ANK3: variants seen among roughly 807,000 people sequenced by gnomAD.
ANK3 encodes ankyrin 3.
A neutral mutation model predicts 370.9 loss-of-function variants in ANK3; 57 were observed. That is an observed-to-expected ratio of 0.15 (90% CI 0.12 to 0.19). The LOEUF is 0.19. ANK3 is among the 10% of genes least tolerant of loss of function. The pLI is 1.00. For synonymous variants in ANK3, 1,929 were observed against 1,946.3 expected (o/e 0.99, Z 0.23); for missense variants, 4,439 against 5,302.1 (o/e 0.84, Z 5.06).
At chr10:60,162,012 C>CA (rs2095513095) in intron 23 of ANK3, among the ~76,000 whole-genome samples, 1 of 152,144 alleles carries the variant, frequency 6.6e-6, no homozygotes, top group Admixed American at 6.6e-5. Context: ...CAAAATATCA[C>CA]ATATACCCCA....
intron 16 of ANK3, among the ~76,000 whole-genome samples, chr10:60,189,850 T>A (rs1015721813): frequency 1.3e-5 from 2 of 152,246 alleles, no homozygotes; most frequent in African/African-American, 4.8e-5. Flanking sequence ...TCAAAAGTAA[T>A]ATATAGCATT....
chr10:60,284,413 A>G (rs2098213686), intron 1 of ANK3, among the ~76,000 whole-genome samples: 1 of 152,174 alleles, frequency 6.6e-6, no homozygotes, highest in Admixed American at 6.5e-5. Context: ...ATAGATAAGA[A>G]AATTGAGCTG....
chr10:60,563,657 T>C (rs116553000), intron 2 of ANK3, among the ~76,000 whole-genome samples: 344 of 152,274 alleles, frequency 2.3e-3, no homozygotes, highest in African/African-American at 7.4e-3. Flanking sequence ...GGTCAGATTT[T>C]GCCGCCAAAG....
intron 1 of ANK3, among the ~76,000 whole-genome samples, chr10:60,627,043 G>A (rs1219882272): frequency 1.3e-5 from 2 of 152,110 alleles, no homozygotes; most frequent in African/African-American, 4.8e-5. Flanking sequence ...TATTTAGGGA[G>A]AGAAGCAACG....
At chr10:60,385,180 T>C (rs1170168959) in intron 1 of ANK3, among the ~76,000 whole-genome samples, 1 of 152,098 alleles carries the variant, frequency 6.6e-6, no homozygotes, top group Non-Finnish European at 1.5e-5. Context: ...CCTGCTTACT[T>C]TTCGTGCCAC....
intron 2 of ANK3, among the ~76,000 whole-genome samples, chr10:60,517,427 A>G (rs1430212951): frequency 6.6e-6 from 1 of 152,062 alleles, no homozygotes; most frequent in Non-Finnish European, 1.5e-5. Flanking sequence ...TTACCCATCT[A>G]TGGCCATACC....
intron 38 of ANK3, among the ~76,000 whole-genome samples, chr10:60,066,236 T>G (rs1437410589): frequency 6.6e-6 from 1 of 152,128 alleles, no homozygotes; most frequent in Non-Finnish European, 1.5e-5. Context: ...GCAAAGACAC[T>G]GACACTAGGA....
chr10:60,123,924 A>C (rs1034773311), intron 25 of ANK3, among the ~76,000 whole-genome samples: 1 of 152,220 alleles, frequency 6.6e-6, no homozygotes, highest in African/African-American at 2.4e-5. Flanking sequence ...CCCCACACGA[A>C]GAATAAGATG....
intron 2 of ANK3, among the ~76,000 whole-genome samples, chr10:60,448,307 T>G (rs1010260183): frequency 6.6e-6 from 1 of 152,212 alleles, no homozygotes; most frequent in Non-Finnish European, 1.5e-5. Context: ...ACTACATCAC[T>G]CTGGAGAAAA....
chr10:60,307,196 G>A (rs1457696596), intron 1 of ANK3, among the ~76,000 whole-genome samples: 3 of 152,178 alleles, frequency 2.0e-5, no homozygotes, highest in Non-Finnish European at 1.5e-5. Flanking sequence ...ATACTACAAT[G>A]ACAGAATTAG....
At chr10:60,284,503 T>C (rs1014496204) in intron 1 of ANK3, among the ~76,000 whole-genome samples, 1 of 152,168 alleles carries the variant, frequency 6.6e-6, no homozygotes, top group African/African-American at 2.4e-5. Context: ...GAGTCTAGGC[T>C]GTTAATCACC....
At chr10:60,708,945 C>T (rs1182508055) in intron 1 of ANK3, among the ~76,000 whole-genome samples, 1 of 152,100 alleles carries the variant, frequency 6.6e-6, no homozygotes, top group African/African-American at 2.4e-5. Flanking sequence ...ATATTTCAGC[C>T]ACCACACCAA....
chr10:60,591,559 A>C (rs933788491), intron 2 of ANK3, among the ~76,000 whole-genome samples: 1 of 152,108 alleles, frequency 6.6e-6, no homozygotes, highest in African/African-American at 2.4e-5. Flanking sequence ...ATGATCCAGC[A>C]ATCCCATTGT....
chr10:60,196,258 A>G lies in ANK3; in HGVS notation c.1789-15T>C. On this transcript the variant is annotated splice_polypyrimidine_tract_variant and intron_variant, in intron 15 of 43. Transcript: ENST00000280772. ...GTTAGCCCGCTCTGAAAACACGTGC[A>G]GAAACAACAACCAGTGTCAAAGGTG... 1 of 1,609,428 alleles carries G rather than the reference A, an allele frequency of 6.2e-7. No individual in the cohort carries two copies. Among genetic ancestry groups the G allele is most frequent in the Non-Finnish European group, 8.5e-7 (1 of 1,176,248 alleles).
At chr10:60,463,445 C>T (rs935761884) in intron 2 of ANK3, among the ~76,000 whole-genome samples, 1 of 152,066 alleles carries the variant, frequency 6.6e-6, no homozygotes, top group African/African-American at 2.4e-5. Flanking sequence ...AAGACAGAAC[C>T]CTCTGGCATG....
At chr10:60,172,784 A>G in intron 20 of ANK3, 116 bp downstream of exon 20, 1 of 656,870 alleles carries the variant, frequency 1.5e-6, no homozygotes, top group Non-Finnish European at 2.7e-6. Flanking sequence ...TCCTCATTCT[A>G]CTGAATGCTC....
chr10:60,595,971 T>C, intron 2 of ANK3, among the ~76,000 whole-genome samples: 1 of 152,148 alleles, frequency 6.6e-6, no homozygotes, highest in Admixed American at 6.6e-5. Context: ...GAGGCCTGAT[T>C]GACAGTTCAC....
At chr10:60,149,470 TAAAA>T (rs978312151) in intron 23 of ANK3, among the ~76,000 whole-genome samples, 5 of 151,978 alleles carry the variant, frequency 3.3e-5, no homozygotes, top group African/African-American at 1.2e-4. Context: ...TTGGGGCAAA[TAAAA>T]AAAACCACAA....
chr10:60,626,393 T>C (rs1174825169), intron 1 of ANK3, among the ~76,000 whole-genome samples: 2 of 152,146 alleles, frequency 1.3e-5, no homozygotes, highest in Non-Finnish European at 2.9e-5. Flanking sequence ...GTAAAGAGCA[T>C]AAATAATACT....
Sources: allele counts gnomAD v4.1 joint callset (sites outside exome capture counted in the v4.1 genomes callset), GRCh38; gene constraint gnomAD v4.1.1; transcripts MANE v1.5; gene names NCBI Gene and HGNC (gene_info 2026-07-23, HGNC 2026-07-21).